The following IGF2BP1 variants were observed in gnomAD, a reference collection of about 807,000 sequenced individuals.
IGF2BP1 encodes insulin like growth factor 2 mRNA binding protein 1.
Under a neutral mutation model 74.9 loss-of-function variants are expected in IGF2BP1, and 11 were observed. The ratio of observed to expected loss-of-function variants is 0.15; its 90% confidence interval spans 0.09 to 0.24. The LOEUF is 0.24. IGF2BP1 is among the 10% of genes least tolerant of loss of function. The pLI is 1.00. For missense variants in IGF2BP1, 440 were observed against 757.4 expected (o/e 0.58, Z 4.92); for synonymous variants, 287 against 281.8 (o/e 1.02, Z -0.18).
At position 49,049,510 on chromosome 17, in the gene IGF2BP1, C is replaced by A; in HGVS notation, c.*66C>A. Reference sequence around the variant, plus strand: ...GCAGAAATCGAGAGTGTGCTCTCCCCGGCAGGCCTGAGAATGAGTGGGAAT... The same window carrying A: ...GCAGAAATCGAGAGTGTGCTCTCCCAGGCAGGCCTGAGAATGAGTGGGAAT... On this transcript the variant is annotated 3_prime_UTR_variant, in exon 15 of 15. Coordinates refer to ENST00000290341, the MANE Select transcript of IGF2BP1 (RefSeq NM_006546.4). 2 of 1,393,060 alleles carry A rather than the reference C, an allele frequency of 1.4e-6. No individual in the cohort carries two copies. Among genetic ancestry groups the A allele is most frequent in the Non-Finnish European group, 2.0e-6 (2 of 991,514 alleles). 86.3% of individuals were successfully genotyped at this position (1,393,060 alleles called of 1,614,324 possible). A position where few individuals can be genotyped will look rare whatever the true frequency, so the allele number is the denominator to read the frequency against.
At chr17:49,040,113 G>A in intron 7 of IGF2BP1, 22 bp downstream of exon 7, 1 of 1,613,074 alleles carries the variant, frequency 6.2e-7, no homozygotes, top group East Asian at 2.2e-5. Flanking sequence ...GCTTTTCTTG[G>A]ATCTTCAGGG....
intron 2 of IGF2BP1, among the ~76,000 whole-genome samples, chr17:49,019,941 TATATATATTTATATAC>T (rs1223370707): frequency 5.1e-5 from 3 of 58,444 alleles, no homozygotes; most frequent in African/African-American, 2.9e-4. Flanking sequence ...TATATATATA[TATATATATTTATATAC>T]ACACACACAC....
At position 49,022,037 on chromosome 17, in the gene IGF2BP1, G is replaced by C. The variant is rs556603961; in HGVS notation, c.237-3581G>C. 3.3e-5 allele frequency among the ~76,000 whole-genome samples: 5 copies of C among 152,336 alleles called. No homozygotes were observed. The South Asian group carries it at 8.3e-4, about 25-fold the overall frequency. On this transcript the variant is annotated intron_variant, in intron 2 of 14. Coordinates refer to ENST00000290341, the MANE Select transcript of IGF2BP1 (RefSeq NM_006546.4). The stretch of plus-strand genomic sequence containing the variant: ...TAGTCTGGATACTCCAGTTCCCTGG[G>C]ACTGGGGACTTGGACATGGTTTGAG...
rs187936424 is a variant in IGF2BP1, at chr17:49,039,568, G to A, written c.684-389G>A. Among the ~76,000 whole-genome samples the A allele has an allele frequency of 1.4e-4, 21 of 152,210 alleles. No individual in the cohort carries two copies. In the East Asian group the frequency reaches 3.7e-3, roughly 27 times the overall value. On this transcript the variant is annotated intron_variant, in intron 6 of 14. Transcript: ENST00000290341. ...GCCTCCTTAGTAGCTGGGATTACAG[G>A]TGTGCACCACCACACCCAGCTAAAT... is the stretch of plus-strand genomic sequence containing the variant.
intron 2 of IGF2BP1, among the ~76,000 whole-genome samples, chr17:49,011,137 C>CAAAAAAAAAAAA (rs61620827): frequency 5.2e-5 from 3 of 57,292 alleles, no homozygotes; most frequent in Admixed American, 2.8e-4. Flanking sequence ...GACTCTGTCT[C>CAAAAAAAAAAAA]AAAAAAAAAA....
chr17:49,002,833 TGCA>T (rs2041502727), intron 2 of IGF2BP1, among the ~76,000 whole-genome samples: 2 of 152,168 alleles, frequency 1.3e-5, no homozygotes, highest in South Asian at 2.1e-4. Context: ...AATTAAACTT[TGCA>T]AATTCATAAA....
chr17:49,046,056 C>A, intron 13 of IGF2BP1, 35 bp downstream of exon 13: 1 of 1,609,714 alleles, frequency 6.2e-7, no homozygotes, highest in South Asian at 1.1e-5. Context: ...AGCCCTGGGC[C>A]TTGGTCTCCA....
chr17:49,011,150 A>C (rs901618393), intron 2 of IGF2BP1, among the ~76,000 whole-genome samples: 84 of 135,998 alleles, frequency 6.2e-4, no homozygotes, highest in Non-Finnish European at 8.6e-4. Context: ...AAAAAAAAAA[A>C]AAAAAAAAAA....
chr17:49,008,161 A>G (rs2041572636), intron 2 of IGF2BP1, among the ~76,000 whole-genome samples: 1 of 150,738 alleles, frequency 6.6e-6, no homozygotes, highest in African/African-American at 2.5e-5. Context: ...GACAAGAGTG[A>G]AATTCCATCT....
intron 7 of IGF2BP1, among the ~76,000 whole-genome samples, chr17:49,040,693 T>C (rs2042042156): frequency 1.3e-5 from 2 of 152,272 alleles, no homozygotes; most frequent in African/African-American, 4.8e-5. Flanking sequence ...TCTATACTTT[T>C]TTCATTTTCT....
chr17:49,007,663 C>G (rs1023883073), intron 2 of IGF2BP1, among the ~76,000 whole-genome samples: 2 of 152,108 alleles, frequency 1.3e-5, no homozygotes, highest in African/African-American at 4.8e-5. Context: ...GCTTGGGGCT[C>G]GTCAACTTTC....
At chr17:49,039,818 C>T (rs1478517640) in intron 6 of IGF2BP1, 139 bp from the exon 7 acceptor site, 2 of 890,426 alleles carry the variant, frequency 2.2e-6, no homozygotes, top group South Asian at 1.7e-5. Context: ...CATTGCCCTT[C>T]CCAAAGTTGT....
At chr17:49,001,573 T>A (rs2143916029) in intron 2 of IGF2BP1, among the ~76,000 whole-genome samples, 1 of 152,288 alleles carries the variant, frequency 6.6e-6, no homozygotes, top group Non-Finnish European at 1.5e-5. Context: ...ATTTGTACCT[T>A]TTTAAGAACT....
intron 1 of IGF2BP1, among the ~76,000 whole-genome samples, chr17:48,998,725 G>A (rs577127137): frequency 2.6e-5 from 4 of 152,168 alleles, no homozygotes; most frequent in Non-Finnish European, 4.4e-5. Flanking sequence ...TCTGCACACT[G>A]CCTCCCGCCC....
Position 49,014,423 on chromosome 17 carries a change from C to T in IGF2BP1, c.237-11195C>T, listed in dbSNP as rs182645625. On this transcript the variant is annotated intron_variant, in intron 2 of 14. Transcript: ENST00000290341. The stretch of plus-strand genomic sequence containing the variant: ...CCGCCTAGGTTCTCTTGGCCGTCCC[C>T]TCCTCCTGGCCAAGGATAGGCGAGA... Among the ~76,000 whole-genome samples, 162 of 151,932 alleles carry T rather than the reference C, an allele frequency of 1.1e-3. 1 individual carries two copies. The highest frequency in any genetic ancestry group is 3.8e-3 in the African/African-American group (157 of 41,442).
At chr17:49,029,908 A>T (rs1277225676) in intron 4 of IGF2BP1, among the ~76,000 whole-genome samples, 2 of 151,196 alleles carry the variant, frequency 1.3e-5, no homozygotes, top group Non-Finnish European at 2.9e-5. Context: ...CAGACGGTTA[A>T]TTTTAATAAT....
At chr17:49,030,242 A>C (rs2041907114) in intron 4 of IGF2BP1, among the ~76,000 whole-genome samples, 1 of 151,316 alleles carries the variant, frequency 6.6e-6, no homozygotes, top group South Asian at 2.1e-4. Flanking sequence ...CCTGGGTTGA[A>C]GCAGTTCTTC....
chr17:49,027,225 T>C (rs1047461485), intron 4 of IGF2BP1, among the ~76,000 whole-genome samples: 4 of 152,316 alleles, frequency 2.6e-5, no homozygotes, highest in South Asian at 2.1e-4. Context: ...AAGCCACTCC[T>C]TCCCAGCCTG....
chr17:49,046,242 C>T lies in IGF2BP1; in HGVS notation c.1528-18C>T. On this transcript the variant is annotated intron_variant, in intron 13 of 14. Transcript: ENST00000290341. ...GCTTTCTTGATGGCACCCTGAGCTCCTCTCTGGCCACCCCCAGGTGAACGA... is the reference window on the plus strand; with the variant it reads ...GCTTTCTTGATGGCACCCTGAGCTCTTCTCTGGCCACCCCCAGGTGAACGA... 1.2e-6 allele frequency: 2 copies of T among 1,608,156 alleles called. No individual in the cohort carries two copies. Among genetic ancestry groups the T allele is most frequent in the Non-Finnish European group, 1.7e-6 (2 of 1,174,506 alleles).
Sources: gnomAD v4.1 joint callset for allele counts (sites outside exome capture counted in the v4.1 genomes callset) on GRCh38, gnomAD v4.1.1 for gene constraint, MANE v1.5 for transcripts, NCBI Gene and HGNC (gene_info 2026-07-23, HGNC 2026-07-21) for gene names.